Variants in HEPHL1 observed in about 807,000 individuals in gnomAD.
The protein encoded by HEPHL1 is hephaestin like 1.
Under a neutral mutation model 122.0 loss-of-function variants are expected in HEPHL1, and 123 were observed. The ratio of observed to expected loss-of-function variants is 1.01; its 90% CI spans 0.87 to 1.17. HEPHL1 has a LOEUF of 1.17. HEPHL1 is among the 50% of genes most tolerant of loss of function. The probability of loss-of-function intolerance (pLI) is 0.00; values close to 1 mark genes in which losing one functional copy is unlikely to be tolerated. For synonymous variants in HEPHL1, 527 were observed against 508.9 expected, an observed-to-expected ratio of 1.04 and a Z score of -0.48; for missense variants, 1,452 against 1,430.5, an observed-to-expected ratio of 1.01 and a Z score of -0.24.
chr11:94,113,590 T>C lies in HEPHL1; in HGVS notation c.*1696T>C, dbSNP rs748884024. 4 of 152,204 alleles carry C rather than the reference T, an allele frequency of 2.6e-5. No homozygotes were observed. The highest frequency in any genetic ancestry group is 5.9e-5 in the Non-Finnish European group (4 of 68,028). The allele number at this position is 152,204 out of a possible 1,614,324, so 9.4% of individuals were successfully genotyped here. Reference sequence around the variant, plus strand: ...AGTTTTCATACATGTGTAGGCTGCATAATTTCATAATTATGGTAAATGCCT... The same window carrying C: ...AGTTTTCATACATGTGTAGGCTGCACAATTTCATAATTATGGTAAATGCCT... On this transcript the variant is annotated 3_prime_UTR_variant, in exon 20 of 20. Coordinates refer to ENST00000315765, the MANE Select transcript of HEPHL1 (RefSeq NM_001098672.2).
Position 94,063,584 on chromosome 11 carries a change from C to T in HEPHL1, c.492C>T (p.Tyr164=), listed in dbSNP as rs748456519. 15 of 1,613,724 alleles carry T rather than the reference C, an allele frequency of 9.3e-6. No individual in the cohort carries two copies. The highest frequency in any genetic ancestry group is 3.3e-5 in the South Asian group (3 of 91,062). ...TTCCTCCTGGGAAAAACTACACCTA[C>T]GTCTGGCCGGTGAGAGAAGAATATG... ...DMVPPGKNYT[Y]VWPVREEYAP... Residue 164 remains tyrosine, a synonymous_variant, in exon 3 of 20, where the codon TAC becomes TAT. Transcript: ENST00000315765.
At chr11:94,047,581 A>G (rs913711285) in intron 2 of HEPHL1, among the ~76,000 whole-genome samples, 1 of 151,996 alleles carries the variant, frequency 6.6e-6, no homozygotes, top group African/African-American at 2.4e-5. Context: ...GTGTATATGC[A>G]TGTCATTTTC....
intron 11 of HEPHL1, 69 bp downstream of exon 11, chr11:94,086,258 C>A: frequency 8.4e-7 from 1 of 1,189,994 alleles, no homozygotes; most frequent in Non-Finnish European, 1.2e-6. Context: ...AGAGTTCTCC[C>A]ACAGAAGAAA....
At chr11:94,093,758 G>T (rs1022255908) in intron 13 of HEPHL1, 118 bp downstream of exon 13, 1 of 1,145,090 alleles carries the variant, frequency 8.7e-7, no homozygotes, top group Non-Finnish European at 1.2e-6. Context: ...TAGCTTGACT[G>T]CATTCCTCCA....
rs188209940 is a variant in HEPHL1 at position 94,043,856 on chromosome 11, G to A, written c.171-1817G>A. 7.9e-5 allele frequency among the ~76,000 whole-genome samples: 12 copies of A among 152,080 alleles called. No individual in the cohort carries two copies. In the East Asian group the frequency reaches 2.1e-3, roughly 27 times the overall value. ...CATAACTCTCCCTTCCAGAATAGGGGCTCCTTCAAGGCAGGGGCTTTGTCT... is the reference window on the plus strand; with the variant it reads ...CATAACTCTCCCTTCCAGAATAGGGACTCCTTCAAGGCAGGGGCTTTGTCT... On this transcript the variant is annotated intron_variant, in intron 1 of 19. Transcript: ENST00000315765.
intron 14 of HEPHL1, among the ~76,000 whole-genome samples, chr11:94,101,984 G>A (rs1329452333): frequency 3.3e-5 from 5 of 152,098 alleles, no homozygotes; most frequent in African/African-American, 1.2e-4. Flanking sequence ...TTATTATAGT[G>A]TACTGTTATA....
At chr11:94,051,721 T>G (rs1352998908) in intron 2 of HEPHL1, among the ~76,000 whole-genome samples, 1 of 152,170 alleles carries the variant, frequency 6.6e-6, no homozygotes, top group African/African-American at 2.4e-5. Context: ...CCCAGACTAA[T>G]GTCCTGGAGA....
intron 1 of HEPHL1, among the ~76,000 whole-genome samples, chr11:94,042,859 A>G (rs1945795942): frequency 9.1e-6 from 1 of 109,644 alleles, no homozygotes; most frequent in African/African-American, 3.5e-5. Context: ...CATGTACCCT[A>G]AAACTTAAAG....
intron 1 of HEPHL1, 85 bp from the exon 2 acceptor site, chr11:94,045,579 GGTCATACAT>G: frequency 2.8e-6 from 3 of 1,056,692 alleles, no homozygotes; most frequent in Non-Finnish European, 4.1e-6. Context: ...CCAAATGAGA[GGTCATACAT>G]GCAATACTTT....
intron 1 of HEPHL1, among the ~76,000 whole-genome samples, chr11:94,037,679 A>C (rs1020868189): frequency 7.9e-5 from 12 of 152,130 alleles, no homozygotes; most frequent in Non-Finnish European, 1.0e-4. Context: ...AGAAGGAAAA[A>C]TAACAAACAG....
At chr11:94,039,994 AAG>A (rs1384863029) in intron 1 of HEPHL1, among the ~76,000 whole-genome samples, 3 of 84,548 alleles carry the variant, frequency 3.5e-5, no homozygotes, top group Admixed American at 1.2e-4. Flanking sequence ...TAAAGAAAAA[AAG>A]AGAGAAGAAT....
chr11:94,086,768 C>T (rs1040505923), intron 11 of HEPHL1, among the ~76,000 whole-genome samples: 9 of 152,198 alleles, frequency 5.9e-5, no homozygotes, highest in African/African-American at 2.2e-4. Flanking sequence ...GGAACTTCTT[C>T]TCTTAGAGAT....
intron 17 of HEPHL1, among the ~76,000 whole-genome samples, chr11:94,107,083 T>C (rs934768870): frequency 1.3e-5 from 2 of 152,184 alleles, no homozygotes; most frequent in Non-Finnish European, 2.9e-5. Flanking sequence ...TAGTCTGTCA[T>C]CCGAAGTTCT....
chr11:94,051,295 C>T (rs1320461595), intron 2 of HEPHL1, among the ~76,000 whole-genome samples: 1 of 152,086 alleles, frequency 6.6e-6, no homozygotes, highest in Non-Finnish European at 1.5e-5. Context: ...CCATTTTCTC[C>T]ACATCCTCAC....
intron 10 of HEPHL1, among the ~76,000 whole-genome samples, chr11:94,084,383 A>C (rs931713588): frequency 1.4e-5 from 2 of 147,914 alleles, no homozygotes; most frequent in African/African-American, 5.0e-5. Flanking sequence ...TAAATATATA[A>C]ATACAGGATA....
intron 1 of HEPHL1, among the ~76,000 whole-genome samples, chr11:94,035,749 T>C (rs745378088): frequency 6.6e-6 from 1 of 152,194 alleles, no homozygotes; most frequent in African/African-American, 2.4e-5. Flanking sequence ...TTTTATTTTA[T>C]TTTTTGAGAC....
At chr11:94,100,988 A>G (rs1946362929) in intron 13 of HEPHL1, among the ~76,000 whole-genome samples, 1 of 152,232 alleles carries the variant, frequency 6.6e-6, no homozygotes, top group Non-Finnish European at 1.5e-5. Flanking sequence ...AAATGAAGGA[A>G]GCAGAATTTA....
intron 1 of HEPHL1, among the ~76,000 whole-genome samples, chr11:94,024,861 A>AT (rs576606352): frequency 3.3e-5 from 5 of 152,298 alleles, no homozygotes; most frequent in African/African-American, 9.6e-5. Flanking sequence ...GAACTTTGTC[A>AT]TTGACAATAT....
At position 94,083,316 on chromosome 11, in the gene HEPHL1, T is replaced by C. The variant is rs578030795; in HGVS notation, c.1867+748T>C. On this transcript the variant is annotated intron_variant, in intron 10 of 19. Coordinates refer to ENST00000315765, the MANE Select transcript of HEPHL1 (RefSeq NM_001098672.2). ...TAATTTGTGAAACACTAGCTGTTCC[T>C]ATCCCAGATCTTCATTTGAGAGGAA... 1.2e-4 allele frequency among the ~76,000 whole-genome samples: 19 copies of C among 152,364 alleles called. No individual in the cohort carries two copies. The South Asian group carries it at 3.9e-3, about 32-fold the overall frequency.
Sources: allele counts gnomAD v4.1 joint callset (sites outside exome capture counted in the v4.1 genomes callset), GRCh38; gene constraint gnomAD v4.1.1; transcripts MANE v1.5; gene names NCBI Gene and HGNC (gene_info 2026-07-23, HGNC 2026-07-21).